The following ITPR2 variants were observed in gnomAD, a reference collection of about 807,000 sequenced individuals.
ITPR2 encodes the protein inositol 1,4,5-trisphosphate-gated calcium channel ITPR2.
A neutral mutation model predicts 317.1 loss-of-function variants in ITPR2; 207 were observed. The ratio of observed to expected loss-of-function variants is 0.65; its 90% CI spans 0.58 to 0.73. The LOEUF (loss-of-function observed/expected upper bound fraction) is 0.73, where lower values mean the gene tolerates loss of function less well. Ranked by LOEUF, ITPR2 falls within the 30% of genes least tolerant of loss-of-function variation. The pLI is 0.00. For synonymous variants in ITPR2, 1,156 were observed against 1,149.1 expected (o/e 1.01, Z -0.12); for missense variants, 2,613 against 3,284.0 (o/e 0.80, Z 4.99).
intron 2 of ITPR2, among the ~76,000 whole-genome samples, chr12:26,732,587 A>C (rs1261507784): frequency 6.6e-6 from 1 of 152,178 alleles, no homozygotes; most frequent in Non-Finnish European, 1.5e-5. Flanking sequence ...GACTCTCAAG[A>C]GTTAGCCAGG....
chr12:26,587,855 A>G (rs1404492149), intron 32 of ITPR2, among the ~76,000 whole-genome samples: 1 of 151,818 alleles, frequency 6.6e-6, no homozygotes, highest in Admixed American at 6.6e-5. Flanking sequence ...AGGCTATTGC[A>G]ATCATCCAAA....
intron 2 of ITPR2, among the ~76,000 whole-genome samples, chr12:26,776,384 G>T (rs12303644): frequency 0.39 from 59,516 of 151,970 alleles, 13,370 homozygotes; most frequent in Non-Finnish European, 0.53. Context: ...AAGCAGCTAC[G>T]GAGCCTCAAA....
rs1591943167 is a variant in ITPR2 at position 26,337,168 on chromosome 12, G to C, written c.*2229C>G. 6.6e-6 allele frequency: 1 copy of C among 152,226 alleles called. No individual in the cohort carries two copies. The allele number at this position is 152,226 out of a possible 1,614,324, so 9.4% of individuals were successfully genotyped here. On this transcript the variant is annotated 3_prime_UTR_variant, in exon 57 of 57. Transcript: ENST00000381340. ...GATCTGCCACTACAAAGTGGTTGGG[G>C]ACATTAGGTCATTTCTAGAAAGCAA...
intron 37 of ITPR2, among the ~76,000 whole-genome samples, chr12:26,503,856 G>T (rs1943127983): frequency 6.6e-6 from 1 of 152,164 alleles, no homozygotes; most frequent in Admixed American, 6.5e-5. Flanking sequence ...TTGTACAATT[G>T]ATGACATAAA....
At position 26,442,188 on chromosome 12, in the gene ITPR2, C is replaced by T. The variant is rs573263767; in HGVS notation, c.6450+1355G>A. Reference sequence around the variant, plus strand: ...ACTTACTTTCTCCTTTCTGAAATCCCCATCCTGAAGGAGAAACTCGTACTC... The same window carrying T: ...ACTTACTTTCTCCTTTCTGAAATCCTCATCCTGAAGGAGAAACTCGTACTC... On this transcript the variant is annotated intron_variant, in intron 46 of 56. Coordinates refer to ENST00000381340, the MANE Select transcript of ITPR2 (RefSeq NM_002223.4). Among the ~76,000 whole-genome samples the T allele has an allele frequency of 3.2e-4, 49 of 152,180 alleles. 1 individual carries two copies. The highest frequency in any genetic ancestry group is 1.1e-3 in the African/African-American group (44 of 41,524).
intron 55 of ITPR2, among the ~76,000 whole-genome samples, chr12:26,378,546 G>A (rs1939412793): frequency 1.3e-5 from 2 of 152,326 alleles, no homozygotes; most frequent in South Asian, 2.1e-4. Flanking sequence ...GTGCAGTGGT[G>A]TGATTTGACT....
At chr12:26,552,049 T>C (rs1309766874) in intron 36 of ITPR2, among the ~76,000 whole-genome samples, 1 of 152,110 alleles carries the variant, frequency 6.6e-6, no homozygotes, top group African/African-American at 2.4e-5. Flanking sequence ...TGGCAGAGGT[T>C]GGGTGAGGAC....
chr12:26,787,612 T>C (rs1040200184), intron 2 of ITPR2, among the ~76,000 whole-genome samples: 1 of 152,184 alleles, frequency 6.6e-6, no homozygotes, highest in African/African-American at 2.4e-5. Flanking sequence ...TAAATGTTTA[T>C]CTTTGAAAGA....
chr12:26,398,567 A>G (rs1940077289), intron 54 of ITPR2, among the ~76,000 whole-genome samples: 1 of 152,232 alleles, frequency 6.6e-6, no homozygotes, highest in Non-Finnish European at 1.5e-5. Flanking sequence ...TGCATAATAA[A>G]TATGTTACTG....
At chr12:26,556,447 C>G in intron 35 of ITPR2, 72 bp from the exon 36 acceptor site, 1 of 1,422,706 alleles carries the variant, frequency 7.0e-7, no homozygotes, top group African/African-American at 1.4e-5. Context: ...ATAAGACAAG[C>G]TCAAGAATAC....
intron 13 of ITPR2, among the ~76,000 whole-genome samples, chr12:26,666,475 T>G (rs749775323): frequency 2.6e-5 from 4 of 152,184 alleles, no homozygotes; most frequent in Non-Finnish European, 5.9e-5. Context: ...TTTCCACAAC[T>G]GACTAGCAAA....
intron 55 of ITPR2, among the ~76,000 whole-genome samples, chr12:26,367,391 A>T (rs967039617): frequency 1.3e-5 from 2 of 152,132 alleles, no homozygotes; most frequent in Admixed American, 6.6e-5. Context: ...TCCATGGCTC[A>T]CCTGCATTCC....
At position 26,495,216 on chromosome 12, in the gene ITPR2, A is replaced by G. The variant is rs749066577; in HGVS notation, c.5118T>C (p.Gly1706=). The change falls in exon 38 of 57, where the codon GGT becomes GGC. Residue 1706 remains glycine (G), a synonymous_variant. Coordinates refer to ENST00000381340, the MANE Select transcript of ITPR2 (RefSeq NM_002223.4). Reference sequence around the variant, plus strand: ...GTCCATTCACACCAATACTATAATCACCTTTAAAGTATCGATTCAGAAGTA... The same window carrying G: ...GTCCATTCACACCAATACTATAATCGCCTTTAAAGTATCGATTCAGAAGTA... The part of the protein sequence containing the change: ...RKILLNRYFK[G]DYSIGVNGHL... The G allele has an allele frequency of 9.4e-5, 151 of 1,608,052 alleles. No homozygotes were observed. Among genetic ancestry groups the G allele is most frequent in the Non-Finnish European group, 1.2e-4 (137 of 1,174,690 alleles).
At chr12:26,373,512 C>T (rs1001741003) in intron 55 of ITPR2, 2 of 152,160 alleles carry the variant, frequency 1.3e-5, no homozygotes, top group African/African-American at 2.4e-5. Context: ...TGAACTGGTG[C>T]TTTTTATGTC....
chr12:26,741,365 T>C (rs1362193212), intron 2 of ITPR2, among the ~76,000 whole-genome samples: 2 of 152,270 alleles, frequency 1.3e-5, no homozygotes, highest in Non-Finnish European at 2.9e-5. Context: ...GAGGATTCCA[T>C]AACAATTAAA....
In ITPR2 at chr12:26,715,288, C is replaced by T; in HGVS notation, c.855+11G>A. 6.2e-7 allele frequency: 1 copy of T among 1,602,276 alleles called. No individual in the cohort carries two copies. The highest frequency in any genetic ancestry group is 8.5e-7 in the Non-Finnish European group (1 of 1,174,934). On this transcript the variant is annotated intron_variant, in intron 8 of 56. Transcript: ENST00000381340. ...TAAATATTTATTAAGTGCCAAAAAACATTTACATACCTCTATTTCCCAGAG... is the reference window on the plus strand; with the variant it reads ...TAAATATTTATTAAGTGCCAAAAAATATTTACATACCTCTATTTCCCAGAG...
intron 44 of ITPR2, among the ~76,000 whole-genome samples, 159 bp from the exon 45 acceptor site, chr12:26,475,577 T>C (rs1942398796): frequency 2.0e-5 from 3 of 152,244 alleles, no homozygotes; most frequent in South Asian, 4.1e-4. Context: ...TCAATGAACA[T>C]GGAAGTATCT....
intron 37 of ITPR2, among the ~76,000 whole-genome samples, chr12:26,506,895 A>C (rs1943202046): frequency 6.6e-6 from 1 of 152,268 alleles, no homozygotes; most frequent in Non-Finnish European, 1.5e-5. Context: ...TTGAAGAGAT[A>C]CAAATTCACT....
chr12:26,492,252 T>TAGGG (rs1942823738), intron 39 of ITPR2, among the ~76,000 whole-genome samples: 1 of 152,162 alleles, frequency 6.6e-6, no homozygotes, highest in Admixed American at 6.5e-5. Context: ...TGAAGAGATC[T>TAGGG]AGGGGAACAA....
Sources: allele counts gnomAD v4.1 joint callset (sites outside exome capture counted in the v4.1 genomes callset), GRCh38; gene constraint gnomAD v4.1.1; transcripts MANE v1.5; gene names NCBI Gene and HGNC (gene_info 2026-07-23, HGNC 2026-07-21).